Variants in KLHL10 observed in about 807,000 individuals in gnomAD.
KLHL10 encodes kelch-like protein 10.
Under a neutral mutation model 46.6 loss-of-function variants are expected in KLHL10, and 11 were observed. The observed-to-expected ratio is 0.24, with a 90% confidence interval of 0.15 to 0.39. The LOEUF (loss-of-function observed/expected upper bound fraction) is 0.39, where lower values mean the gene tolerates loss of function less well. KLHL10 is among the 10% of genes least tolerant of loss of function. KLHL10 has a pLI of 1.00. For missense variants in KLHL10, 475 were observed against 789.8 expected (o/e 0.60, Z 4.78); for synonymous variants, 254 against 279.1 (o/e 0.91, Z 0.90).
At chr17:41,836,339 G>C, upstream of KLHL10, 1 of 1,224,576 alleles carries the variant, frequency 8.2e-7, no homozygotes, top group African/African-American at 1.6e-5. Flanking sequence ...GAGCGGTCCC[G>C]GAGATGGCCG....
intron 4 of KLHL10, 146 bp from the exon 5 acceptor site, chr17:41,847,787 G>T: frequency 9.3e-7 from 1 of 1,077,228 alleles, no homozygotes. Context: ...TTACAGGCGT[G>T]AGCCACTGCA....
In KLHL10 at chr17:41,845,222, A is replaced by T; in HGVS notation, c.781A>T (p.Asn261Tyr). Residue 261 changes from asparagine to tyrosine, a missense_variant, in exon 3 of 5, where the codon AAT (asparagine) becomes TAT (tyrosine). Asn to Tyr is a moderately radical substitution (Grantham distance 143). Transcript: ENST00000293303. ...DSEECKPVII[N>Y]ALKAMYDLNM... ...TGAGGAATGCAAACCAGTCATCATT[A>T]ATGCCCTAAAGGCCATGTATGACCT... 3.7e-6 allele frequency: 6 copies of T among 1,614,216 alleles called. No individual in the cohort carries two copies. Among genetic ancestry groups the T allele is most frequent in the Non-Finnish European group, 5.1e-6 (6 of 1,180,038 alleles).
At chr17:41,847,148 A>G (rs1354096119) in intron 3 of KLHL10, 113 bp from the exon 4 acceptor site, 2 of 948,510 alleles carry the variant, frequency 2.1e-6, no homozygotes, top group East Asian at 2.4e-5. Flanking sequence ...ATACAAAAAA[A>G]AGAAATTCAG....
chr17:41,847,671 A>G (rs1687757617), intron 4 of KLHL10, among the ~76,000 whole-genome samples: 1 of 152,030 alleles, frequency 6.6e-6, no homozygotes, highest in African/African-American at 2.4e-5. Context: ...ATGCCCAGCT[A>G]ATTTTTTGTA....
chr17:41,836,113 G>T (rs1555619985), upstream of KLHL10: 2 of 1,333,680 alleles, frequency 1.5e-6, no homozygotes, highest in Non-Finnish European at 1.9e-6. Context: ...TGACCAGCTG[G>T]GGGGCTCGAA....
upstream of KLHL10, chr17:41,836,356 G>A (rs1027530454): frequency 2.4e-6 from 3 of 1,224,748 alleles, no homozygotes; most frequent in South Asian, 8.4e-5. Context: ...GCCGCGATCC[G>A]GGTGGGCTTG....
chr17:41,846,071 C>T lies in KLHL10; in HGVS notation c.1302+328C>T, dbSNP rs549420424. 5.4e-3 allele frequency among the ~76,000 whole-genome samples: 808 copies of T among 151,012 alleles called. 11 individuals carry two copies. The East Asian group carries it at 0.069, about 13-fold the overall frequency. ...CTAAAAATACAAAAAATTAGCCAGGCCTGGTGGCGGGCGCCTGTAATCCCA... is the reference window on the plus strand; with the variant it reads ...CTAAAAATACAAAAAATTAGCCAGGTCTGGTGGCGGGCGCCTGTAATCCCA... On this transcript the variant is annotated intron_variant, in intron 3 of 4. Transcript: ENST00000293303.
At chr17:41,835,845 C>G (rs1555619852), upstream of KLHL10, 1 of 1,600,782 alleles carries the variant, frequency 6.2e-7, no homozygotes, top group Admixed American at 1.7e-5. Flanking sequence ...GGCCCCCGCA[C>G]GCCCCAGAGG....
intron 2 of KLHL10, 60 bp from the exon 3 acceptor site, chr17:41,845,066 G>T: frequency 6.2e-7 from 1 of 1,607,724 alleles, no homozygotes; most frequent in Non-Finnish European, 8.5e-7. Flanking sequence ...GGGAGTTAAG[G>T]ATGTGGGATT....
upstream of KLHL10, chr17:41,835,813 T>C: frequency 6.5e-7 from 1 of 1,542,758 alleles, no homozygotes; most frequent in Non-Finnish European, 8.8e-7. Context: ...AGGAAGCCTC[T>C]CCAGCCGCCC....
chr17:41,835,897 C>T (rs1555619875), upstream of KLHL10: 10 of 1,609,080 alleles, frequency 6.2e-6, no homozygotes, highest in South Asian at 1.1e-5. Context: ...AGGGCGCCCA[C>T]GATCTCCTGC....
chr17:41,845,856 A>G (rs1310640868), intron 3 of KLHL10, 113 bp downstream of exon 3: 2 of 1,324,540 alleles, frequency 1.5e-6, no homozygotes, highest in Non-Finnish European at 2.1e-6. Flanking sequence ...ACTTTGGAGT[A>G]CTCATTCTTT....
At chr17:41,836,337 C>G, upstream of KLHL10, 1 of 1,218,534 alleles carries the variant, frequency 8.2e-7, no homozygotes, top group Non-Finnish European at 1.0e-6. Flanking sequence ...TCGAGCGGTC[C>G]CGGAGATGGC....
intron 3 of KLHL10, 30 bp downstream of exon 3, chr17:41,845,773 T>G: frequency 6.2e-7 from 1 of 1,613,592 alleles, no homozygotes; most frequent in Non-Finnish European, 8.5e-7. Context: ...GGGGAAGATG[T>G]GGATGCAAAG....
intron 3 of KLHL10, 65 bp downstream of exon 3, chr17:41,845,808 C>T: frequency 6.2e-7 from 1 of 1,602,232 alleles, no homozygotes; most frequent in Non-Finnish European, 8.5e-7. Context: ...TGATACTGCT[C>T]TTTTTTGGGG....
chr17:41,847,811 C>CT, intron 4 of KLHL10, 122 bp from the exon 5 acceptor site: 4 of 1,410,284 alleles, frequency 2.8e-6, no homozygotes, highest in Non-Finnish European at 4.0e-6. Flanking sequence ...GGCTGAAAAG[C>CT]TTTTTTTCAT....
At chr17:41,843,218 G>C (rs900407217) in intron 2 of KLHL10, among the ~76,000 whole-genome samples, 1 of 151,724 alleles carries the variant, frequency 6.6e-6, no homozygotes, top group African/African-American at 2.4e-5. Flanking sequence ...AGTTGAATTA[G>C]AAATCATGGC....
intron 4 of KLHL10, 89 bp from the exon 5 acceptor site, chr17:41,847,844 T>G: frequency 6.5e-7 from 1 of 1,535,450 alleles, no homozygotes; most frequent in Non-Finnish European, 9.0e-7. Flanking sequence ...AAGAGGGAGT[T>G]ATGAGATCAC....
intron 1 of KLHL10, among the ~76,000 whole-genome samples, chr17:41,838,891 G>A (rs1567867115): frequency 2.6e-5 from 4 of 151,946 alleles, no homozygotes; most frequent in Admixed American, 6.6e-5. Flanking sequence ...GTTTTGCCAT[G>A]TCGCTCAGGC....
Sources: gnomAD v4.1 joint callset for allele counts (sites outside exome capture counted in the v4.1 genomes callset) on GRCh38, gnomAD v4.1.1 for gene constraint, MANE v1.5 for transcripts, NCBI Gene and HGNC (gene_info 2026-07-23, HGNC 2026-07-21) for gene names.